Variants in GBF1 observed in about 807,000 individuals in gnomAD.
GBF1 encodes the protein golgi brefeldin A resistant guanine nucleotide exchange factor 1, also known as Golgi-specific brefeldin A-resistance guanine nucleotide exchange factor 1.
A neutral mutation model predicts 210.5 loss-of-function variants in GBF1; 114 were observed. The observed-to-expected ratio is 0.54, with a 90% confidence interval of 0.47 to 0.63. The LOEUF (loss-of-function observed/expected upper bound fraction) is 0.63, where lower values mean the gene tolerates loss of function less well. GBF1 is among the 30% of genes least tolerant of loss of function. GBF1 has a pLI of 0.00. For missense variants in GBF1, 1,851 were observed against 2,357.7 expected (o/e 0.79, Z 4.45); for synonymous variants, 850 against 889.2 (o/e 0.96, Z 0.78).
intron 3 of GBF1, among the ~76,000 whole-genome samples, chr10:102,331,304 G>T (rs2057316206): frequency 6.6e-6 from 1 of 152,106 alleles, no homozygotes; most frequent in African/African-American, 2.4e-5. Context: ...CTCTGGGTTA[G>T]GTTGGGGCCT....
At chr10:102,361,690 C>A in intron 13 of GBF1, 28 bp from the exon 14 acceptor site, 9 of 1,489,892 alleles carry the variant, frequency 6.0e-6, no homozygotes, top group Non-Finnish European at 8.2e-6. Context: ...TTTCCCCACC[C>A]AAATGGCAAT....
intron 3 of GBF1, among the ~76,000 whole-genome samples, chr10:102,290,698 T>G (rs2076362174): frequency 6.6e-6 from 1 of 152,078 alleles, no homozygotes; most frequent in Non-Finnish European, 1.5e-5. Flanking sequence ...AGAGATGGGT[T>G]TTTGCCATGT....
rs2135405395 is a variant in GBF1 at position 102,382,552 on chromosome 10, G to T, written c.*216G>T. On this transcript the variant is annotated 3_prime_UTR_variant, in exon 40 of 40. Coordinates refer to ENST00000369983, the MANE Select transcript of GBF1 (RefSeq NM_001377137.1). ...CCTCCTCTGCGCTCCATTCCTGGGG[G>T]TTCAGCCTGAGAGTGAACTCAGCTG... The T allele has an allele frequency of 2.0e-6, 1 of 510,206 alleles. No homozygotes were observed. Among genetic ancestry groups the T allele is most frequent in the Non-Finnish European group, 3.4e-6 (1 of 290,860 alleles). 31.6% of individuals were successfully genotyped at this position (510,206 alleles called of 1,614,324 possible).
intron 3 of GBF1, among the ~76,000 whole-genome samples, chr10:102,277,284 C>G (rs1239623975): frequency 6.6e-6 from 1 of 152,078 alleles, no homozygotes; most frequent in East Asian, 1.9e-4. Context: ...GATCATGCCA[C>G]TGCATTCCAC....
chr10:102,236,689 T>C, the GBF1 span, among the ~76,000 whole-genome samples: 1 of 152,328 alleles, frequency 6.6e-6, no homozygotes, highest in East Asian at 1.9e-4. Flanking sequence ...TCAGCTGTCA[T>C]GTGGACCCAC....
Position 102,333,885 on chromosome 10 carries a change from T to G in GBF1, c.164-10166T>G, listed in dbSNP as rs148495371. Among the ~76,000 whole-genome samples the G allele has an allele frequency of 9.2e-4, 140 of 152,316 alleles. 1 individual carries two copies. In the East Asian group the frequency reaches 0.022, roughly 24 times the overall value. On this transcript the variant is annotated intron_variant, in intron 3 of 39. Coordinates refer to ENST00000369983, the MANE Select transcript of GBF1 (RefSeq NM_001377137.1). ...ACAGCATAGTCAGAAAAGTAGCATA[T>G]GAGACCTAACACTTTCTCCTAAAAT...
At chr10:102,317,142 G>A (rs1460747657) in intron 3 of GBF1, among the ~76,000 whole-genome samples, 1 of 151,942 alleles carries the variant, frequency 6.6e-6, no homozygotes, top group African/African-American at 2.4e-5. Context: ...ACATTTAGTA[G>A]TAATATAAGC....
chr10:102,352,009 T>G, intron 6 of GBF1, 58 bp downstream of exon 6: 2 of 921,940 alleles, frequency 2.2e-6, no homozygotes, highest in Non-Finnish European at 1.8e-6. Context: ...TGAGTATGAA[T>G]ACAGGAGGCT....
intron 1 of GBF1, among the ~76,000 whole-genome samples, chr10:102,257,454 G>A (rs1452505648): frequency 6.6e-6 from 1 of 151,754 alleles, no homozygotes; most frequent in Non-Finnish European, 1.5e-5. Context: ...AACTACAGGT[G>A]TATGCCACCA....
chr10:102,299,670 T>C (rs1011076840), intron 3 of GBF1, among the ~76,000 whole-genome samples: 1 of 152,048 alleles, frequency 6.6e-6, no homozygotes, highest in Non-Finnish European at 1.5e-5. Flanking sequence ...TAATCCCAGC[T>C]ACTTGGGAGG....
intron 20 of GBF1, 48 bp downstream of exon 20, chr10:102,367,258 G>A: frequency 6.3e-7 from 1 of 1,594,030 alleles, no homozygotes; most frequent in Non-Finnish European, 8.6e-7. Context: ...CACAGCTTGG[G>A]AGGTAGCAGG....
At chr10:102,293,537 A>G (rs2076611803) in intron 3 of GBF1, among the ~76,000 whole-genome samples, 1 of 152,068 alleles carries the variant, frequency 6.6e-6, no homozygotes, top group Non-Finnish European at 1.5e-5. Context: ...ATAGGAGATG[A>G]CAGCTTCATG....
At chr10:102,253,521 A>AT (rs978828142) in intron 1 of GBF1, among the ~76,000 whole-genome samples, 18 of 150,168 alleles carry the variant, frequency 1.2e-4, no homozygotes, top group Middle Eastern at 6.8e-3. Flanking sequence ...CTTAAAAACA[A>AT]TTTTTTTTTT....
chr10:102,361,951 T>C, intron 14 of GBF1, 39 bp downstream of exon 14: 3 of 1,299,394 alleles, frequency 2.3e-6, no homozygotes, highest in Non-Finnish European at 3.2e-6. Flanking sequence ...AAAAAACGCA[T>C]TATAAAGGAA....
chr10:102,268,141 C>G (rs2133242046), intron 3 of GBF1, among the ~76,000 whole-genome samples: 1 of 152,276 alleles, frequency 6.6e-6, no homozygotes, highest in Middle Eastern at 3.4e-3. Context: ...ACTTTTAAAC[C>G]AAGAAGTTCT....
chr10:102,382,237 C>T lies in GBF1; in HGVS notation c.5484C>T (p.Pro1828=), dbSNP rs779221616. 1 of 1,614,058 alleles carries T rather than the reference C, an allele frequency of 6.2e-7. No individual in the cohort carries two copies. Among genetic ancestry groups the T allele is most frequent in the Non-Finnish European group, 8.5e-7 (1 of 1,179,922 alleles). The change falls in exon 40 of 40, where the codon CCC becomes CCT. Residue 1828 remains proline (P), a synonymous_variant. Transcript: ENST00000369983. ...LQVGVPPMTL[P]IILNPALIEA... ...TGGGCGTGCCACCTATGACTCTGCC[C>T]ATCATCCTCAACCCTGCGCTCATCG...
the GBF1 span, among the ~76,000 whole-genome samples, chr10:102,231,406 G>C: frequency 3.3e-5 from 5 of 152,258 alleles, no homozygotes; most frequent in Non-Finnish European, 7.4e-5. Context: ...GTAGTAGGGA[G>C]CAGTGGGAGC....
intron 3 of GBF1, among the ~76,000 whole-genome samples, chr10:102,278,568 T>C (rs968993318): frequency 5.3e-5 from 8 of 152,268 alleles, no homozygotes; most frequent in African/African-American, 1.9e-4. Flanking sequence ...ATGAGTACAA[T>C]GTGTAATGAT....
At chr10:102,237,843 CTG>C in the GBF1 span, among the ~76,000 whole-genome samples, 3 of 151,942 alleles carry the variant, frequency 2.0e-5, no homozygotes, top group South Asian at 2.1e-4. Flanking sequence ...CCTGTTTAGA[CTG>C]TGTGTCATGC....
Sources: allele counts gnomAD v4.1 joint callset (sites outside exome capture counted in the v4.1 genomes callset), GRCh38; gene constraint gnomAD v4.1.1; transcripts MANE v1.5; gene names NCBI Gene and HGNC (gene_info 2026-07-23, HGNC 2026-07-21).